The following TMTC2 variants were observed in gnomAD, a reference collection of about 807,000 sequenced individuals.
The protein encoded by TMTC2 is transmembrane O-mannosyltransferase targeting cadherins 2.
In TMTC2, 43 loss-of-function variants were observed where a neutral mutation model predicts 82.4. The ratio of observed to expected loss-of-function variants is 0.52; its 90% CI spans 0.41 to 0.67. The LOEUF (loss-of-function observed/expected upper bound fraction) is 0.67, where lower values mean the gene tolerates loss of function less well. TMTC2 is among the 30% of genes least tolerant of loss of function. The pLI, the probability that TMTC2 is intolerant of heterozygous loss-of-function variation, is 0.00. For missense variants in TMTC2, 919 were observed against 1,012.4 expected, an observed-to-expected ratio of 0.91 and a Z score of 1.25; for synonymous variants, 408 against 381.9, an observed-to-expected ratio of 1.07 and a Z score of -0.80.
At chr12:83,048,984 T>C (rs1179298722) in intron 9 of TMTC2, among the ~76,000 whole-genome samples, 1 of 152,240 alleles carries the variant, frequency 6.6e-6, no homozygotes, top group Admixed American at 6.5e-5. Flanking sequence ...TGGTTTATTT[T>C]AAATCCTTAA....
intron 8 of TMTC2, among the ~76,000 whole-genome samples, chr12:83,028,103 C>T (rs903245287): frequency 6.6e-6 from 1 of 151,924 alleles, no homozygotes; most frequent in Non-Finnish European, 1.5e-5. Flanking sequence ...TGTCAGATGA[C>T]CATGTGTTTT....
At chr12:82,808,730 A>G (rs12316452) in intron 1 of TMTC2, among the ~76,000 whole-genome samples, 7,904 of 152,108 alleles carry the variant, frequency 0.052, 256 homozygotes, top group Middle Eastern at 0.14. Flanking sequence ...GCAGTTCAGA[A>G]TTACAGTTTA....
At chr12:83,087,103 T>C (rs1209319299) in intron 11 of TMTC2, among the ~76,000 whole-genome samples, 1 of 152,260 alleles carries the variant, frequency 6.6e-6, no homozygotes, top group Non-Finnish European at 1.5e-5. Context: ...ATTTATGTTA[T>C]ATTCTAAGTC....
intron 1 of TMTC2, among the ~76,000 whole-genome samples, chr12:82,810,796 G>C (rs976822561): frequency 1.3e-5 from 2 of 152,064 alleles, no homozygotes; most frequent in African/African-American, 4.8e-5. Context: ...CACAAGATCT[G>C]ATGGTTTATA....
At chr12:82,948,484 A>T (rs1004940035) in intron 4 of TMTC2, among the ~76,000 whole-genome samples, 6 of 152,166 alleles carry the variant, frequency 3.9e-5, no homozygotes, top group Admixed American at 1.3e-4. Flanking sequence ...CAAGCAAAAA[A>T]ATATATATAT....
At chr12:82,823,154 T>C (rs1869213031) in intron 1 of TMTC2, among the ~76,000 whole-genome samples, 1 of 152,048 alleles carries the variant, frequency 6.6e-6, no homozygotes. Context: ...AGTTCTGTTA[T>C]TAATATTATA....
intron 1 of TMTC2, chr12:82,690,496 T>C: frequency 1.1e-5 from 9 of 806,640 alleles, no homozygotes; most frequent in Non-Finnish European, 1.3e-5. Flanking sequence ...ATAATTTCTT[T>C]CCATGTTTGA....
At chr12:82,741,238 T>C (rs553581966) in intron 1 of TMTC2, among the ~76,000 whole-genome samples, 3 of 152,176 alleles carry the variant, frequency 2.0e-5, no homozygotes, top group South Asian at 4.2e-4. Flanking sequence ...TGAGGTGGTT[T>C]GTTTGTTTGT....
chr12:83,061,722 A>C, intron 10 of TMTC2, 46 bp from the exon 11 acceptor site: 1 of 1,486,736 alleles, frequency 6.7e-7, no homozygotes, highest in South Asian at 1.4e-5. Flanking sequence ...CCTATTTGTA[A>C]TTCTAAAATA....
chr12:82,687,819 T>A, intron 1 of TMTC2, 150 bp downstream of exon 1: 1 of 748,744 alleles, frequency 1.3e-6, no homozygotes, highest in South Asian at 1.9e-5. Context: ...AACACCTAAA[T>A]CAAACACCGG....
chr12:82,827,751 G>T (rs1207529089), intron 1 of TMTC2, among the ~76,000 whole-genome samples: 1 of 150,920 alleles, frequency 6.6e-6, no homozygotes, highest in Admixed American at 6.6e-5. Flanking sequence ...CTGGAATGTG[G>T]TGGCATGATC....
At chr12:82,820,473 C>T (rs879310658) in intron 1 of TMTC2, among the ~76,000 whole-genome samples, 1 of 151,626 alleles carries the variant, frequency 6.6e-6, no homozygotes, top group Non-Finnish European at 1.5e-5. Context: ...CTCCTGGGTT[C>T]AAGCGATTCT....
intron 1 of TMTC2, among the ~76,000 whole-genome samples, chr12:82,694,696 G>A (rs773247985): frequency 5.9e-5 from 9 of 151,840 alleles, no homozygotes; most frequent in Non-Finnish European, 1.3e-4. Context: ...CAAATAAAAT[G>A]TTTCTGTGAG....
intron 1 of TMTC2, among the ~76,000 whole-genome samples, chr12:82,766,230 G>A (rs1475617029): frequency 3.9e-5 from 6 of 152,088 alleles, no homozygotes; most frequent in East Asian, 1.9e-4. Context: ...TCTCCTTCTC[G>A]CTTTGGGCTA....
chr12:82,781,399 C>CTT (rs71068954), intron 1 of TMTC2, among the ~76,000 whole-genome samples: 4,905 of 121,030 alleles, frequency 0.041, 399 homozygotes, highest in African/African-American at 0.14. Flanking sequence ...GGAGTTTGCT[C>CTT]TTTTTTTTTT....
At chr12:82,801,264 C>T (rs1035302321) in intron 1 of TMTC2, among the ~76,000 whole-genome samples, 4 of 152,084 alleles carry the variant, frequency 2.6e-5, no homozygotes, top group African/African-American at 9.7e-5. Flanking sequence ...GGAGTTTGTT[C>T]TTTCCTCCCG....
rs11401470 is a variant in TMTC2 at position 82,760,466 on chromosome 12, G to GTTTTTTT, written c.83+72813_83+72819dup. 4 of 108,002 alleles carry GTTTTTTT rather than the reference G, an allele frequency of 3.7e-5. 1 individual carries two copies. The highest frequency in any genetic ancestry group is 1.2e-4 in the Admixed American group (1 of 8,582). The allele number at this position is 108,002 out of a possible 1,614,324, so 6.7% of individuals were successfully genotyped here. A position where few individuals can be genotyped will look rare whatever the true frequency, so the allele number is the denominator to read the frequency against. On this transcript the variant is annotated intron_variant, in intron 1 of 11. Transcript: ENST00000321196. ...TTATTTGGCTTGCACTGTGCCCAGGGTTTTTTTTTTTTTTTTTTTTTTCTC... is the reference window on the plus strand; with the variant it reads ...TTATTTGGCTTGCACTGTGCCCAGGGTTTTTTTTTTTTTTTTTTTTTTTTTTTTTCTC...
chr12:82,765,255 C>T (rs1397690938), intron 1 of TMTC2, among the ~76,000 whole-genome samples: 1 of 152,138 alleles, frequency 6.6e-6, no homozygotes, highest in Non-Finnish European at 1.5e-5. Flanking sequence ...AAGCACCTTT[C>T]TATATGATAT....
chr12:83,058,866 G>C (rs935510170), intron 10 of TMTC2, among the ~76,000 whole-genome samples: 1 of 151,724 alleles, frequency 6.6e-6, no homozygotes, highest in East Asian at 1.9e-4. Flanking sequence ...ATCTAATTGT[G>C]AGCTTTTAAA....
Sources: allele counts gnomAD v4.1 joint callset (sites outside exome capture counted in the v4.1 genomes callset), GRCh38; gene constraint gnomAD v4.1.1; transcripts MANE v1.5; gene names NCBI Gene and HGNC (gene_info 2026-07-23, HGNC 2026-07-21).